Variants in RPS6KC1 observed in about 807,000 individuals in gnomAD.
RPS6KC1 encodes the protein inactive ribosomal protein S6 kinase delta-1.
In RPS6KC1, 54 loss-of-function variants were observed where a neutral mutation model predicts 103.8. The ratio of observed to expected loss-of-function variants is 0.52; its 90% confidence interval spans 0.42 to 0.65. The LOEUF (loss-of-function observed/expected upper bound fraction) is 0.65, where lower values mean the gene tolerates loss of function less well. RPS6KC1 is among the 30% of genes least tolerant of loss of function. The pLI, the probability that RPS6KC1 is intolerant of heterozygous loss-of-function variation, is 0.00. For missense variants in RPS6KC1, 1,151 were observed against 1,253.8 expected, an observed-to-expected ratio of 0.92 and a Z score of 1.24; for synonymous variants, 439 against 438.7, an observed-to-expected ratio of 1.00 and a Z score of -0.01.
intron 12 of RPS6KC1, among the ~76,000 whole-genome samples, chr1:213,252,832 A>G (rs983543739): frequency 3.9e-5 from 6 of 152,206 alleles, no homozygotes; most frequent in African/African-American, 1.4e-4. Context: ...AAATTGGCCT[A>G]TCATTCTGCT....
At chr1:213,399,034 C>T in the RPS6KC1 span, among the ~76,000 whole-genome samples, 1 of 152,112 alleles carries the variant, frequency 6.6e-6, no homozygotes, top group African/African-American at 2.4e-5. Flanking sequence ...AATCCCAAGA[C>T]ATAGACAAAA....
the RPS6KC1 span, among the ~76,000 whole-genome samples, chr1:213,648,997 A>C: frequency 2.0e-5 from 3 of 152,092 alleles, no homozygotes; most frequent in Admixed American, 6.5e-5. Context: ...GCACTAGGAC[A>C]CGGTCTCCAC....
the RPS6KC1 span, among the ~76,000 whole-genome samples, chr1:213,629,914 C>T: frequency 1.3e-5 from 2 of 152,194 alleles, no homozygotes; most frequent in South Asian, 4.1e-4. Flanking sequence ...TATTGGCCTC[C>T]ACTCTCTTGT....
chr1:213,188,588 A>G (rs2092629091), intron 8 of RPS6KC1, among the ~76,000 whole-genome samples: 2 of 152,128 alleles, frequency 1.3e-5, no homozygotes, highest in South Asian at 4.1e-4. Flanking sequence ...ATTTCTATGT[A>G]TGAACAATGC....
At chr1:213,836,536 C>T in the RPS6KC1 span, among the ~76,000 whole-genome samples, 2,134 of 151,782 alleles carry the variant, frequency 0.014, 41 homozygotes, top group East Asian at 0.089. Flanking sequence ...CTCAAATCCC[C>T]CTTCCCTTAC....
chr1:213,405,913 G>T, the RPS6KC1 span, among the ~76,000 whole-genome samples: 1 of 152,202 alleles, frequency 6.6e-6, no homozygotes, highest in South Asian at 2.1e-4. Flanking sequence ...TGGGGCCATG[G>T]CGGTGAAGCC....
At chr1:213,836,449 G>A in the RPS6KC1 span, among the ~76,000 whole-genome samples, 36 of 152,144 alleles carry the variant, frequency 2.4e-4, 1 homozygote, top group Admixed American at 2.2e-3. Flanking sequence ...TGTGTTAAAA[G>A]GGAAGGGAAG....
the RPS6KC1 span, among the ~76,000 whole-genome samples, chr1:213,553,197 C>T: frequency 0.56 from 85,111 of 151,874 alleles, 24,978 homozygotes; most frequent in Non-Finnish European, 0.64. Flanking sequence ...ATGTCTATTG[C>T]TCCCTTTTTT....
the RPS6KC1 span, among the ~76,000 whole-genome samples, chr1:213,699,517 A>T: frequency 6.6e-6 from 1 of 152,182 alleles, no homozygotes; most frequent in Non-Finnish European, 1.5e-5. Context: ...TGCAACAAAC[A>T]TGGAAGTGCA....
intron 6 of RPS6KC1, among the ~76,000 whole-genome samples, chr1:213,150,828 GCA>G (rs1291522253): frequency 2.0e-5 from 3 of 152,212 alleles, no homozygotes; most frequent in African/African-American, 7.2e-5. Flanking sequence ...GAGCCGTTGG[GCA>G]CACCTCCCAG....
the RPS6KC1 span, among the ~76,000 whole-genome samples, chr1:213,288,518 G>A: frequency 3.3e-5 from 5 of 152,284 alleles, no homozygotes; most frequent in Admixed American, 6.5e-5. Context: ...TTATAACCTA[G>A]TAGGGCCAGA....
intron 8 of RPS6KC1, among the ~76,000 whole-genome samples, chr1:213,184,399 A>G (rs2092431303): frequency 6.6e-6 from 1 of 152,028 alleles, no homozygotes; most frequent in Non-Finnish European, 1.5e-5. Flanking sequence ...TATTATTTAA[A>G]TTCATTTAAA....
chr1:213,384,056 C>G, the RPS6KC1 span, among the ~76,000 whole-genome samples: 1 of 152,098 alleles, frequency 6.6e-6, no homozygotes, highest in African/African-American at 2.4e-5. Context: ...GCAGGTGGAT[C>G]ATGAAGTCAG....
chr1:213,527,812 TACTATTG>T, the RPS6KC1 span, among the ~76,000 whole-genome samples: 2 of 152,186 alleles, frequency 1.3e-5, no homozygotes, highest in African/African-American at 4.8e-5. Context: ...AGTAATAGCC[TACTATTG>T]ACTAGAAACC....
chr1:213,207,511 C>T (rs572696075), intron 8 of RPS6KC1, among the ~76,000 whole-genome samples: 3 of 152,180 alleles, frequency 2.0e-5, no homozygotes, highest in Non-Finnish European at 4.4e-5. Context: ...CACCCTTCCA[C>T]AACCTGTAAG....
the RPS6KC1 span, among the ~76,000 whole-genome samples, chr1:213,789,697 T>TGACC: frequency 1.2e-4 from 18 of 152,200 alleles, no homozygotes; most frequent in African/African-American, 4.1e-4. Flanking sequence ...TAGTACAATG[T>TGACC]GACCAATTGC....
At chr1:213,359,919 G>T in the RPS6KC1 span, among the ~76,000 whole-genome samples, 2 of 152,208 alleles carry the variant, frequency 1.3e-5, no homozygotes, top group Non-Finnish European at 2.9e-5. Context: ...TTTCTGCTGA[G>T]AGATCAGCTG....
the RPS6KC1 span, among the ~76,000 whole-genome samples, chr1:213,363,711 T>C: frequency 8.8e-6 from 1 of 113,014 alleles, no homozygotes; most frequent in African/African-American, 4.2e-5. Context: ...TCCTTCTTTC[T>C]TTCTTTCTTT....
the RPS6KC1 span, among the ~76,000 whole-genome samples, chr1:213,625,939 A>C: frequency 2.6e-5 from 4 of 152,148 alleles, no homozygotes; most frequent in Admixed American, 2.6e-4. Flanking sequence ...CTTTGGGTAT[A>C]TATCCAGTAA....
Sources: allele counts gnomAD v4.1 joint callset (sites outside exome capture counted in the v4.1 genomes callset), GRCh38; gene constraint gnomAD v4.1.1; transcripts MANE v1.5; gene names NCBI Gene and HGNC (gene_info 2026-07-23, HGNC 2026-07-21).